The following GALNT2 variants were observed in gnomAD, a reference collection of about 807,000 sequenced individuals.
GALNT2 encodes the protein polypeptide N-acetylgalactosaminyltransferase 2.
In GALNT2, 31 loss-of-function variants were observed where a neutral mutation model predicts 81.4. The observed-to-expected ratio is 0.38, with a 90% CI of 0.29 to 0.51. GALNT2 has a LOEUF of 0.51. Among genes scored for constraint, GALNT2 ranks in the 20% least tolerant of loss-of-function variants. The pLI is 0.87. For missense variants in GALNT2, 629 were observed against 765.7 expected (o/e 0.82, Z 2.11); for synonymous variants, 303 against 287.4 (o/e 1.05, Z -0.55).
chr1:230,229,099 G>C (rs773348295), intron 3 of GALNT2, among the ~76,000 whole-genome samples: 1 of 152,104 alleles, frequency 6.6e-6, no homozygotes, highest in Non-Finnish European at 1.5e-5. Context: ...TGTTACCCCA[G>C]GGTCACAGTT....
At chr1:230,234,281 G>A (rs568322219) in intron 3 of GALNT2, among the ~76,000 whole-genome samples, 1 of 152,156 alleles carries the variant, frequency 6.6e-6, no homozygotes, top group South Asian at 2.1e-4. Context: ...GAAGTTGGAG[G>A]GGGTGGGGAG....
At position 230,058,474 on chromosome 1, in the gene GALNT2, G is replaced by A. The variant is rs568672897; in HGVS notation, n.89+396G>A. Among the ~76,000 whole-genome samples, 6 of 152,178 alleles carry A rather than the reference G, an allele frequency of 3.9e-5. No individual in the cohort carries two copies. The East Asian group carries it at 5.8e-4, about 15-fold the overall frequency. On this transcript the variant is annotated intron_variant and non_coding_transcript_variant, in intron 1 of 6. Transcript: ENST00000494106. ...AATGGGAAGATTCCTTTCCCCCACC[G>A]GCAAGTGTGCCAAGTGCCTCCTAGT... is the stretch of plus-strand genomic sequence containing the variant.
chr1:230,148,212 G>A (rs1572019736), intron 1 of GALNT2, among the ~76,000 whole-genome samples: 2 of 152,300 alleles, frequency 1.3e-5, no homozygotes, highest in Non-Finnish European at 2.9e-5. Flanking sequence ...GCTGCCCACC[G>A]GCACAACCAG....
intron 6 of GALNT2, among the ~76,000 whole-genome samples, chr1:230,240,375 C>T (rs1475699380): frequency 2.0e-5 from 3 of 152,136 alleles, no homozygotes; most frequent in Admixed American, 6.6e-5. Context: ...GGGCGGATCA[C>T]GAGGTCAGGA....
chr1:230,194,074 A>G (rs562012516), intron 2 of GALNT2, among the ~76,000 whole-genome samples: 11 of 152,344 alleles, frequency 7.2e-5, no homozygotes, highest in East Asian at 5.8e-4. Flanking sequence ...AAAGGTAGCT[A>G]TAACTCAGAG....
chr1:230,221,666 G>A (rs1664551618), intron 3 of GALNT2, among the ~76,000 whole-genome samples: 1 of 152,106 alleles, frequency 6.6e-6, no homozygotes, highest in African/African-American at 2.4e-5. Context: ...GGAGTTATTT[G>A]TTTCTTGGAG....
At position 230,221,888 on chromosome 1, in the gene GALNT2, A is replaced by T. The variant is rs192162522; in HGVS notation, c.375-14126A>T. ...ATAGTGTTATATGTATATGCACTTA[A>T]ATCTTTATTAATTATAAACTTTTCA... On this transcript the variant is annotated intron_variant, in intron 3 of 15. Transcript: ENST00000366672. Among the ~76,000 whole-genome samples, 52 of 152,118 alleles carry T rather than the reference A, an allele frequency of 3.4e-4. 1 individual carries two copies. The highest frequency in any genetic ancestry group is 3.2e-3 in the Admixed American group (49 of 15,274).
At position 230,178,394 on chromosome 1, in the gene GALNT2, T is replaced by C. The variant is rs1663054607; in HGVS notation, c.220+83T>C. ...AGCATGGCTCTTGGAGCAGGTGGTC[T>C]GTGGGGAGAGGCTGGATTCCATAGG... is the stretch of plus-strand genomic sequence containing the variant. On this transcript the variant is annotated intron_variant, in intron 2 of 15. Transcript: ENST00000366672. 3 of 1,039,156 alleles carry C rather than the reference T, an allele frequency of 2.9e-6. No individual in the cohort carries two copies. The South Asian group carries it at 4.6e-5, about 16-fold the overall frequency. The allele number at this position is 1,039,156 out of a possible 1,614,324, so 64.4% of individuals were successfully genotyped here.
At chr1:230,238,143 C>T (rs918741173) in intron 6 of GALNT2, among the ~76,000 whole-genome samples, 7 of 152,206 alleles carry the variant, frequency 4.6e-5, no homozygotes, top group Non-Finnish European at 8.8e-5. Flanking sequence ...TGCACACACA[C>T]TCATGTATAT....
Position 230,271,431 on chromosome 1 carries a change from G to A in GALNT2, c.1441-3014G>A, listed in dbSNP as rs183994129. ...ATTCTCCAATTCTCCAATTCTCTGC[G>A]GACACTGAGTGTCATGCCTGTCAAC... On this transcript the variant is annotated intron_variant, in intron 14 of 15. Transcript: ENST00000366672. The surrounding 1 kb of genome is among the most constrained non-coding windows in gnomAD (Gnocchi z 4.2). 5.8e-4 allele frequency among the ~76,000 whole-genome samples: 89 copies of A among 152,212 alleles called. No individual in the cohort carries two copies. The highest frequency in any genetic ancestry group is 2.0e-3 in the Admixed American group (31 of 15,292).
intron 2 of GALNT2, among the ~76,000 whole-genome samples, chr1:230,200,365 G>A (rs1417951204): frequency 6.6e-6 from 1 of 152,124 alleles, no homozygotes; most frequent in Non-Finnish European, 1.5e-5. Flanking sequence ...GCCCGGCCTA[G>A]TACAGTCATT....
intron 14 of GALNT2, 48 bp downstream of exon 14, chr1:230,265,415 G>C: frequency 1.2e-6 from 2 of 1,612,426 alleles, no homozygotes; most frequent in South Asian, 2.2e-5. Context: ...GAGAGAGCAG[G>C]AGTTGGGGGG....
At chr1:230,143,699 G>T in intron 1 of GALNT2, among the ~76,000 whole-genome samples, 1 of 152,228 alleles carries the variant, frequency 6.6e-6, no homozygotes, top group Non-Finnish European at 1.5e-5. Flanking sequence ...GTTCTTCCAG[G>T]CCTCTGTTGC....
At chr1:230,099,524 C>T (rs1373087278) in intron 1 of GALNT2, among the ~76,000 whole-genome samples, 2 of 152,180 alleles carry the variant, frequency 1.3e-5, no homozygotes, top group African/African-American at 4.8e-5. Flanking sequence ...AAGCTCTCCA[C>T]CTGTCCCAAG....
chr1:230,265,671 C>A (rs1363340162), intron 14 of GALNT2, among the ~76,000 whole-genome samples: 1 of 152,218 alleles, frequency 6.6e-6, no homozygotes, highest in African/African-American at 2.4e-5. Flanking sequence ...TCTGTCCTCT[C>A]GGCCATGTGC....
chr1:230,095,917 C>T (rs1360495820), intron 1 of GALNT2, among the ~76,000 whole-genome samples: 1 of 152,198 alleles, frequency 6.6e-6, no homozygotes, highest in East Asian at 1.9e-4. Context: ...GTGAGAGAGC[C>T]CCAGCCGCGA....
intron 1 of GALNT2, among the ~76,000 whole-genome samples, chr1:230,136,230 T>A (rs7528661): frequency 6.6e-6 from 1 of 152,072 alleles, no homozygotes; most frequent in East Asian, 1.9e-4. Flanking sequence ...CAGGTAACTA[T>A]GATCGAACCT....
At chr1:230,123,014 A>T (rs1024294038) in intron 1 of GALNT2, among the ~76,000 whole-genome samples, 1 of 152,224 alleles carries the variant, frequency 6.6e-6, no homozygotes, top group Non-Finnish European at 1.5e-5. Flanking sequence ...TTATAAAGAC[A>T]CAAGGCTGGT....
intron 1 of GALNT2, among the ~76,000 whole-genome samples, chr1:230,159,870 G>A (rs1662377009): frequency 6.6e-6 from 1 of 152,210 alleles, no homozygotes; most frequent in African/African-American, 2.4e-5. Context: ...GCTGGCCTTT[G>A]GCTGGATCCC....
Sources: gnomAD v4.1 joint callset for allele counts (sites outside exome capture counted in the v4.1 genomes callset) on GRCh38, gnomAD v4.1.1 for gene constraint, Gnocchi (gnomAD v3.1) non-coding constraint, MANE v1.5 for transcripts, NCBI Gene and HGNC (gene_info 2026-07-23, HGNC 2026-07-21) for gene names.